The following GRIK5 variants were observed in gnomAD, a reference collection of about 807,000 sequenced individuals.
GRIK5 encodes the protein glutamate receptor ionotropic, kainate 5.
Under a neutral mutation model 97.4 loss-of-function variants are expected in GRIK5, and 43 were observed. That is an observed-to-expected ratio of 0.44 (90% CI 0.35 to 0.57). The LOEUF (loss-of-function observed/expected upper bound fraction) is 0.57. Among genes scored for constraint, GRIK5 ranks in the 20% least tolerant of loss-of-function variants. The pLI is 0.01. For missense variants in GRIK5, 1,015 were observed against 1,382.0 expected (o/e 0.73, Z 4.21); for synonymous variants, 580 against 583.5 (o/e 0.99, Z 0.09).
chr19:42,057,904 C>A (rs1389849301), intron 6 of GRIK5, among the ~76,000 whole-genome samples: 1 of 152,184 alleles, frequency 6.6e-6, no homozygotes, highest in Non-Finnish European at 1.5e-5. Context: ...CCAAGTCTGT[C>A]CCCCCACGAG....
chr19:42,006,762 G>C lies in GRIK5; in HGVS notation c.1920C>G (p.Ala640=), dbSNP rs782550056. The C allele has an allele frequency of 3.1e-6, 5 of 1,613,364 alleles. No homozygotes were observed. The Admixed American group carries it at 6.7e-5, about 22-fold the overall frequency. The change falls in exon 16 of 20, where the codon GCC becomes GCG. Residue 640 remains alanine (A), a synonymous_variant. Transcript: ENST00000593562. The surrounding 1 kb of genome is among the most constrained non-coding windows in gnomAD (Gnocchi z 5.3). ...IIISSYTANL[A]AFLTVQRMEV... is the part of the protein sequence containing the mutation. Reference sequence around the variant, plus strand: ...CCATGCGCTGCACGGTGAGGAAGGCGGCCAGGTTGGCCGTGTAGGAGGAGA... The same window carrying C: ...CCATGCGCTGCACGGTGAGGAAGGCCGCCAGGTTGGCCGTGTAGGAGGAGA...
intron 12 of GRIK5, among the ~76,000 whole-genome samples, chr19:42,040,412 A>G (rs2146101936): frequency 6.6e-6 from 1 of 152,344 alleles, no homozygotes; most frequent in African/African-American, 2.4e-5. Flanking sequence ...GGGATACCAG[A>G]TGAAAGAATA....
At chr19:42,049,567 G>A (rs900871279) in intron 11 of GRIK5, among the ~76,000 whole-genome samples, 8 of 152,090 alleles carry the variant, frequency 5.3e-5, no homozygotes, top group African/African-American at 9.7e-5. Flanking sequence ...GTTCAAGGGC[G>A]GGCAAAGCTG....
In GRIK5 at chr19:42,054,046, G is replaced by A. The variant is rs2076150217; in HGVS notation, c.1057-117C>T. ...GGCACAGACAGACCGGGGTGGAGGG[G>A]ACAAGAGAGAGAAGAGGAAGATCAC... On this transcript the variant is annotated intron_variant, in intron 9 of 19. Coordinates refer to ENST00000593562, the MANE Select transcript of GRIK5 (RefSeq NM_002088.5). 5.7e-6 allele frequency: 4 copies of A among 705,616 alleles called. No homozygotes were observed. In the Admixed American group the frequency reaches 7.4e-5, roughly 13 times the overall value. 43.7% of individuals were successfully genotyped at this position (705,616 alleles called of 1,614,324 possible). A position where few individuals can be genotyped will look rare whatever the true frequency, so the allele number is the denominator to read the frequency against.
At chr19:42,060,257 G>A (rs1053779428) in intron 5 of GRIK5, among the ~76,000 whole-genome samples, 1 of 151,408 alleles carries the variant, frequency 6.6e-6, no homozygotes, top group African/African-American at 2.4e-5. Flanking sequence ...AAAAAAAAAA[G>A]GTACTTGTTG....
chr19:42,003,458 A>C lies in GRIK5; in HGVS notation c.2393-5T>G. The stretch of plus-strand genomic sequence containing the variant: ...CAATGTTCTCCATGCCCAAACCTGG[A>C]GGGCGAAGGGAGTTGGGGGGCAAAG... On this transcript the variant is annotated splice_polypyrimidine_tract_variant and splice_region_variant and intron_variant, in intron 18 of 19. Transcript: ENST00000593562. The surrounding 1 kb of genome is among the most constrained non-coding windows in gnomAD (Gnocchi z 4.2). 6.2e-7 allele frequency: 1 copy of C among 1,606,788 alleles called. No individual in the cohort carries two copies. The highest frequency in any genetic ancestry group is 8.5e-7 in the Non-Finnish European group (1 of 1,174,552).
intron 9 of GRIK5, among the ~76,000 whole-genome samples, 154 bp from the exon 10 acceptor site, chr19:42,054,083 C>A (rs1026219338): frequency 1.3e-5 from 2 of 151,784 alleles, no homozygotes; most frequent in Non-Finnish European, 2.9e-5. Flanking sequence ...GTCAAAAGAG[C>A]AAGATAACAT....
chr19:42,051,542 C>G (rs1157507471), intron 11 of GRIK5, among the ~76,000 whole-genome samples: 1 of 152,228 alleles, frequency 6.6e-6, no homozygotes, highest in Non-Finnish European at 1.5e-5. Flanking sequence ...TGCCCCGCAG[C>G]CCCTAGGCTG....
chr19:42,066,442 T>C (rs150874610), intron 1 of GRIK5, among the ~76,000 whole-genome samples: 66 of 129,320 alleles, frequency 5.1e-4, no homozygotes, highest in African/African-American at 1.8e-3. Context: ...CAGAACCCCA[T>C]AGATGAATGG....
In GRIK5 at chr19:42,065,921, T is replaced by C. The variant is rs1168134991; in HGVS notation, c.-50-101A>G. On this transcript the variant is annotated intron_variant, in intron 1 of 19. Transcript: ENST00000593562. The surrounding 1 kb of genome is among the most constrained non-coding windows in gnomAD (Gnocchi z 5.8). ...GGTGGTCACAGAAGCCTTGGGGACA[T>C]TGTTGGCAAGCAGTTCACAGCTCTG... is the stretch of plus-strand genomic sequence containing the variant. 6 of 646,388 alleles carry C rather than the reference T, an allele frequency of 9.3e-6. No individual in the cohort carries two copies. The highest frequency in any genetic ancestry group is 1.7e-5 in the Non-Finnish European group (6 of 361,974). The allele number at this position is 646,388 out of a possible 1,614,324, so 40.0% of individuals were successfully genotyped here. A position where few individuals can be genotyped will look rare whatever the true frequency, so the allele number is the denominator to read the frequency against.
chr19:42,036,330 G>A (rs1266895129), intron 12 of GRIK5, among the ~76,000 whole-genome samples: 1 of 151,502 alleles, frequency 6.6e-6, no homozygotes, highest in African/African-American at 2.4e-5. Flanking sequence ...CCAAAGTGCT[G>A]GGATTACAGA....
At chr19:42,000,625 T>C (rs1484303336) in intron 19 of GRIK5, among the ~76,000 whole-genome samples, 3 of 152,140 alleles carry the variant, frequency 2.0e-5, no homozygotes, top group African/African-American at 7.2e-5. Context: ...AGACACATAT[T>C]TGTGGGTTAA....
At position 42,021,677 on chromosome 19, in the gene GRIK5, T is replaced by C. The variant is rs1168846446; in HGVS notation, c.1698-203A>G. Among the ~76,000 whole-genome samples, 2 of 150,388 alleles carry C rather than the reference T, an allele frequency of 1.3e-5. No individual in the cohort carries two copies. Among genetic ancestry groups the C allele is most frequent in the African/African-American group, 4.9e-5 (2 of 40,674 alleles). Reference sequence around the variant, plus strand: ...GAGGCAGAGAGAGACACAGAGATACTCAGAGAGAAATAGAGAAGGGAGGAG... The same window carrying C: ...GAGGCAGAGAGAGACACAGAGATACCCAGAGAGAAATAGAGAAGGGAGGAG... On this transcript the variant is annotated intron_variant, in intron 14 of 19. Coordinates refer to ENST00000593562, the MANE Select transcript of GRIK5 (RefSeq NM_002088.5). The surrounding 1 kb of genome is among the most constrained non-coding windows in gnomAD (Gnocchi z 4.2).
intron 15 of GRIK5, among the ~76,000 whole-genome samples, chr19:42,018,149 T>TAAAAAAAAAAAAACAAAAAAAAAAA: frequency 1.6e-5 from 1 of 62,810 alleles, no homozygotes; most frequent in African/African-American, 7.2e-5. Flanking sequence ...CCATCTCTAC[T>TAAAAAAAAAAAAACAAAAAAAAAAA]AAAAAAAAAA....
chr19:42,021,462 A>G lies in GRIK5; in HGVS notation c.1710T>C (p.Tyr570=), dbSNP rs776824940. The G allele has an allele frequency of 1.3e-6, 2 of 1,574,990 alleles. No individual in the cohort carries two copies. The highest frequency in any genetic ancestry group is 1.3e-5 in the African/African-American group (1 of 74,262). ...GGCATGGGTGTGGGTTATACCACTC[A>G]TAGGGGCTCAGCCTGTGGAGAGACG... ...VLFLAARLSP[Y]EWYNPHPCLR... is the part of the protein sequence containing the mutation. Residue 570 remains tyrosine, a synonymous_variant, in exon 15 of 20, where the codon TAT becomes TAC. Transcript: ENST00000593562. The surrounding 1 kb of genome is among the most constrained non-coding windows in gnomAD (Gnocchi z 4.2).
chr19:42,062,690 C>T lies in GRIK5; in HGVS notation c.343-37G>A, dbSNP rs1361577000. The T allele has an allele frequency of 4.3e-6, 7 of 1,613,568 alleles. No individual in the cohort carries two copies. The highest frequency in any genetic ancestry group is 4.0e-5 in the African/African-American group (3 of 74,894). ...GGAAACTTTGGCCTCCATCCTGCTTCTCCGCCCAGCCCTCGCCTCCCAGGG... is the reference window on the plus strand; with the variant it reads ...GGAAACTTTGGCCTCCATCCTGCTTTTCCGCCCAGCCCTCGCCTCCCAGGG... On this transcript the variant is annotated intron_variant, in intron 4 of 19. Transcript: ENST00000593562. The surrounding 1 kb of genome is among the most constrained non-coding windows in gnomAD (Gnocchi z 5.3).
At chr19:42,054,252 T>C in intron 9 of GRIK5, 68 bp downstream of exon 9, 1 of 1,512,868 alleles carries the variant, frequency 6.6e-7, no homozygotes, top group South Asian at 1.2e-5. Flanking sequence ...CACAGGGTGG[T>C]CACAGTGAGC....
chr19:42,049,698 A>G (rs1488020975), intron 11 of GRIK5, among the ~76,000 whole-genome samples: 1 of 152,124 alleles, frequency 6.6e-6, no homozygotes, highest in African/African-American at 2.4e-5. Flanking sequence ...AGTTTTTGAA[A>G]CTTCAGTGAG....
In GRIK5 at chr19:42,021,917, C is replaced by T. The variant is rs758634328; in HGVS notation, c.1697+30G>A. Reference sequence around the variant, plus strand: ...GGCCTCGGCTCGTGCCTCCTCCAGCCCCTTCCTTCCCAGTAGGCAGTGGAC... The same window carrying T: ...GGCCTCGGCTCGTGCCTCCTCCAGCTCCTTCCTTCCCAGTAGGCAGTGGAC... On this transcript the variant is annotated intron_variant, in intron 14 of 19. Coordinates refer to ENST00000593562, the MANE Select transcript of GRIK5 (RefSeq NM_002088.5). This position sits in a 1 kb window ranked among gnomAD's most constrained non-coding sequence, Gnocchi z 4.2. 1 of 1,488,396 alleles carries T rather than the reference C, an allele frequency of 6.7e-7. No homozygotes were observed. Among genetic ancestry groups the T allele is most frequent in the Non-Finnish European group, 9.3e-7 (1 of 1,073,656 alleles). 92.2% of individuals were successfully genotyped at this position (1,488,396 alleles called of 1,614,324 possible). A position where few individuals can be genotyped will look rare whatever the true frequency, so the allele number is the denominator to read the frequency against.
Sources: allele counts gnomAD v4.1 joint callset (sites outside exome capture counted in the v4.1 genomes callset), GRCh38; gene constraint gnomAD v4.1.1; non-coding constraint Gnocchi (gnomAD v3.1); transcripts MANE v1.5; gene names NCBI Gene and HGNC (gene_info 2026-07-23, HGNC 2026-07-21).